The following PIK3AP1 variants were observed in gnomAD, a reference collection of about 807,000 sequenced individuals.
PIK3AP1 encodes phosphoinositide-3-kinase adaptor protein 1.
PIK3AP1 carries 21 observed loss-of-function variants against 88.1 expected under a neutral mutation model. The ratio of observed to expected loss-of-function variants is 0.24; its 90% CI spans 0.17 to 0.34. The LOEUF is 0.34. PIK3AP1 is among the 10% of genes least tolerant of loss of function. The probability of loss-of-function intolerance (pLI) is 1.00; values close to 1 mark genes in which losing one functional copy is unlikely to be tolerated. For missense variants in PIK3AP1, 828 were observed against 1,035.7 expected (o/e 0.80, Z 2.75); for synonymous variants, 398 against 400.0 (o/e 1.00, Z 0.06).
At chr10:96,631,466 G>A (rs967669547) in intron 8 of PIK3AP1, among the ~76,000 whole-genome samples, 5 of 152,202 alleles carry the variant, frequency 3.3e-5, no homozygotes, top group African/African-American at 4.8e-5. Context: ...GAGGAAAATA[G>A]TAGAAGGAAG....
chr10:96,593,841 A>G lies in PIK3AP1; in HGVS notation c.*1736T>C, dbSNP rs560003422. ...AAGATTCCAGAAGCTGTTTCTGACA[A>G]GAAGTCCTTGTTTCAGTACTCTTCA... On this transcript the variant is annotated 3_prime_UTR_variant, in exon 17 of 17. Transcript: ENST00000339364. The G allele has an allele frequency of 1.3e-5, 2 of 152,368 alleles. No individual in the cohort carries two copies. The highest frequency in any genetic ancestry group is 4.8e-5 in the African/African-American group (2 of 41,600). The allele number at this position is 152,368 out of a possible 1,614,324, so 9.4% of individuals were successfully genotyped here.
At chr10:96,620,590 T>TC in intron 11 of PIK3AP1, 33 bp from the exon 12 acceptor site, 2 of 1,598,854 alleles carry the variant, frequency 1.3e-6, no homozygotes, top group Non-Finnish European at 1.7e-6. Flanking sequence ...GCTTGACAGC[T>TC]CCCCCACTGG....
chr10:96,596,944 G>A (rs544575842), intron 16 of PIK3AP1, among the ~76,000 whole-genome samples: 9 of 152,332 alleles, frequency 5.9e-5, no homozygotes, highest in African/African-American at 1.9e-4. Context: ...TTGAATGCAA[G>A]GTTTGTATAG....
chr10:96,659,983 T>A (rs1843664413), intron 2 of PIK3AP1, among the ~76,000 whole-genome samples: 1 of 152,004 alleles, frequency 6.6e-6, no homozygotes, highest in Non-Finnish European at 1.5e-5. Flanking sequence ...TAGTAAAGTT[T>A]TAAAAAATAA....
chr10:96,620,914 G>A (rs1410256369), intron 11 of PIK3AP1: 1 of 226,208 alleles, frequency 4.4e-6, no homozygotes, highest in Non-Finnish European at 9.0e-6. Context: ...CTTCTGCTTA[G>A]AGACTCTGGT....
intron 2 of PIK3AP1, among the ~76,000 whole-genome samples, chr10:96,665,636 A>T (rs1843750790): frequency 6.6e-6 from 1 of 152,192 alleles, no homozygotes; most frequent in African/African-American, 2.4e-5. Flanking sequence ...AATGGGATGC[A>T]AGAACTTTTC....
At position 96,651,307 on chromosome 10, in the gene PIK3AP1, G is replaced by A; in HGVS notation, c.929C>T (p.Pro310Leu). The A allele has an allele frequency of 1.2e-6, 2 of 1,614,212 alleles. No homozygotes were observed. The highest frequency in any genetic ancestry group is 8.5e-7 in the Non-Finnish European group (1 of 1,180,026). Reference protein sequence around the residue: ...LLTESLKNNIPASGLHLFGIN... With the variant: ...LLTESLKNNILASGLHLFGIN... ...TCCAAAGAGGTGCAGTCCGCTTGCAGGGATATTGTTCTTCAGGGATTCGGT... is the reference window on the plus strand; with the variant it reads ...TCCAAAGAGGTGCAGTCCGCTTGCAAGGATATTGTTCTTCAGGGATTCGGT... Residue 310 changes from proline to leucine, a missense_variant, in exon 6 of 17, where the codon CCT (proline) becomes CTT (leucine). This residue lies in a region of PIK3AP1 where 610 missense variants were observed against 760.1 expected (regional missense o/e 0.80). Transcript: ENST00000339364.
intron 2 of PIK3AP1, among the ~76,000 whole-genome samples, chr10:96,682,714 T>C (rs1013382111): frequency 6.6e-6 from 1 of 152,216 alleles, no homozygotes; most frequent in African/African-American, 2.4e-5. Flanking sequence ...ACCTCTGGTC[T>C]CTAATCAAAA....
chr10:96,679,392 G>A (rs765082716), intron 2 of PIK3AP1, among the ~76,000 whole-genome samples: 3 of 152,102 alleles, frequency 2.0e-5, no homozygotes, highest in Non-Finnish European at 4.4e-5. Flanking sequence ...GCCAGGTGTG[G>A]TGGTGGGTGC....
intron 8 of PIK3AP1, among the ~76,000 whole-genome samples, chr10:96,643,329 G>A (rs1032165496): frequency 6.6e-6 from 1 of 152,196 alleles, no homozygotes; most frequent in Non-Finnish European, 1.5e-5. Context: ...ATTCAAATCT[G>A]GGCTCTATCA....
intron 2 of PIK3AP1, 82 bp from the exon 3 acceptor site, chr10:96,657,016 A>C: frequency 7.0e-7 from 1 of 1,430,648 alleles, no homozygotes; most frequent in Non-Finnish European, 9.6e-7. Context: ...AGCCCCAAAT[A>C]TTGCAAAATA....
At chr10:96,642,013 G>T (rs1342419730) in intron 8 of PIK3AP1, among the ~76,000 whole-genome samples, 1 of 152,220 alleles carries the variant, frequency 6.6e-6, no homozygotes, top group Admixed American at 6.5e-5. Flanking sequence ...AGTTGCTGCT[G>T]CTTCTGAGCC....
chr10:96,628,748 G>A (rs1843186936), intron 8 of PIK3AP1, among the ~76,000 whole-genome samples: 1 of 151,450 alleles, frequency 6.6e-6, no homozygotes, highest in African/African-American at 2.4e-5. Context: ...ATTTGCATTT[G>A]AAAGAATGGG....
intron 2 of PIK3AP1, among the ~76,000 whole-genome samples, chr10:96,708,369 G>A (rs1477331381): frequency 6.6e-6 from 1 of 152,070 alleles, no homozygotes; most frequent in African/African-American, 2.4e-5. Flanking sequence ...GAGGTCAGGA[G>A]TTTGAGACCA....
At position 96,672,028 on chromosome 10, in the gene PIK3AP1, C is replaced by T. The variant is rs7905649; in HGVS notation, c.431-15094G>A. 4.6e-3 allele frequency among the ~76,000 whole-genome samples: 696 copies of T among 152,160 alleles called. 6 individuals carry two copies. The highest frequency in any genetic ancestry group is 0.016 in the African/African-American group (667 of 41,504). The stretch of plus-strand genomic sequence containing the variant: ...CACTCCAGCCTGGGAAACAAAGTGA[C>T]ACCCTGTCTCAAAAAACAAAGAAAA... On this transcript the variant is annotated intron_variant, in intron 2 of 16. Coordinates refer to ENST00000339364, the MANE Select transcript of PIK3AP1 (RefSeq NM_152309.3).
intron 9 of PIK3AP1, among the ~76,000 whole-genome samples, chr10:96,628,165 T>C (rs1843178572): frequency 6.6e-6 from 1 of 152,146 alleles, no homozygotes; most frequent in Admixed American, 6.5e-5. Flanking sequence ...AGGCAACTTG[T>C]TTACCCAAAC....
intron 1 of PIK3AP1, among the ~76,000 whole-genome samples, chr10:96,712,078 C>A (rs1844447042): frequency 6.6e-6 from 1 of 151,990 alleles, no homozygotes; most frequent in Non-Finnish European, 1.5e-5. Context: ...TTAAAAATAG[C>A]AAATAAAACG....
At chr10:96,707,863 T>C (rs1564990931) in intron 2 of PIK3AP1, among the ~76,000 whole-genome samples, 1 of 152,212 alleles carries the variant, frequency 6.6e-6, no homozygotes, top group Non-Finnish European at 1.5e-5. Context: ...AACGTAAAGA[T>C]AAGCAAACTC....
chr10:96,682,184 G>T (rs1370114719), intron 2 of PIK3AP1, among the ~76,000 whole-genome samples: 1 of 152,130 alleles, frequency 6.6e-6, no homozygotes, highest in African/African-American at 2.4e-5. Context: ...TAGATTAAAT[G>T]GCTTAACTTA....
Sources: allele counts gnomAD v4.1 joint callset (sites outside exome capture counted in the v4.1 genomes callset), GRCh38; gene constraint gnomAD v4.1.1; regional missense constraint gnomAD v4.1.1; transcripts MANE v1.5; gene names NCBI Gene and HGNC (gene_info 2026-07-23, HGNC 2026-07-21).